Variants in ADAMTS17 observed in about 807,000 individuals in gnomAD.
ADAMTS17 encodes the protein A disintegrin and metalloproteinase with thrombospondin motifs 17.
ADAMTS17 carries 113 observed loss-of-function variants against 141.5 expected under a neutral mutation model. That is an observed-to-expected ratio of 0.80 (90% CI 0.69 to 0.93). The LOEUF (loss-of-function observed/expected upper bound fraction) is 0.93, where lower values mean the gene tolerates loss of function less well. Ranked by LOEUF, ADAMTS17 falls within the 40% of genes least tolerant of loss-of-function variation. The pLI, the probability that ADAMTS17 is intolerant of heterozygous loss-of-function variation, is 0.00. For synonymous variants in ADAMTS17, 768 were observed against 630.6 expected, an observed-to-expected ratio of 1.22 and a Z score of -3.27; for missense variants, 1,659 against 1,517.9, an observed-to-expected ratio of 1.09 and a Z score of -1.54.
At chr15:100,139,980 G>A (rs573366557) in intron 10 of ADAMTS17, among the ~76,000 whole-genome samples, 2 of 152,088 alleles carry the variant, frequency 1.3e-5, no homozygotes, top group African/African-American at 4.8e-5. Context: ...GGGCATGTAA[G>A]ATTTTTTTAT....
chr15:100,133,026 T>C (rs1168042529), intron 11 of ADAMTS17, among the ~76,000 whole-genome samples, 188 bp downstream of exon 11: 3 of 152,216 alleles, frequency 2.0e-5, no homozygotes, highest in African/African-American at 7.2e-5. Context: ...TTGTATCTTA[T>C]AAGAAAAAGG....
At chr15:100,329,683 A>T (rs182680655) in intron 3 of ADAMTS17, among the ~76,000 whole-genome samples, 4 of 152,276 alleles carry the variant, frequency 2.6e-5, no homozygotes, top group Admixed American at 2.0e-4. Flanking sequence ...GAAAAACCCT[A>T]ATGTCTCCAT....
At chr15:100,138,779 G>A (rs1029403122) in intron 10 of ADAMTS17, among the ~76,000 whole-genome samples, 4 of 152,192 alleles carry the variant, frequency 2.6e-5, no homozygotes, top group African/African-American at 9.7e-5. Context: ...TCTCCACTTA[G>A]GGGCGGGAGG....
intron 8 of ADAMTS17, among the ~76,000 whole-genome samples, chr15:100,197,748 T>C (rs532390515): frequency 6.6e-6 from 1 of 152,070 alleles, no homozygotes; most frequent in African/African-American, 2.4e-5. Context: ...TGACATACAA[T>C]AGGTACGGAA....
In ADAMTS17 at chr15:100,331,141, T is replaced by C. The variant is rs987011282; in HGVS notation, c.451-87A>G. 13 of 1,538,154 alleles carry C rather than the reference T, an allele frequency of 8.5e-6. No individual in the cohort carries two copies. The South Asian group carries it at 1.5e-4, about 18-fold the overall frequency. ...CCCCGGAGGGGCAGGCAAGACCACCTTGCTGTGATTTGGTTTTCCAGGTCT... is the reference window on the plus strand; with the variant it reads ...CCCCGGAGGGGCAGGCAAGACCACCCTGCTGTGATTTGGTTTTCCAGGTCT... On this transcript the variant is annotated intron_variant, in intron 2 of 21. Coordinates refer to ENST00000268070, the MANE Select transcript of ADAMTS17 (RefSeq NM_139057.4).
chr15:100,195,686 A>G (rs2041089124), intron 8 of ADAMTS17, among the ~76,000 whole-genome samples: 1 of 150,030 alleles, frequency 6.7e-6, no homozygotes, highest in South Asian at 2.1e-4. Context: ...TCTCACCCAC[A>G]GTACTCGAGT....
chr15:100,149,816 G>C (rs2039079363), intron 10 of ADAMTS17, among the ~76,000 whole-genome samples: 1 of 152,184 alleles, frequency 6.6e-6, no homozygotes, highest in South Asian at 2.1e-4. Context: ...TTCAGTGCTA[G>C]TTCTTCTTTT....
Position 99,977,414 on chromosome 15 carries a change from T to A in ADAMTS17, c.2950-1192A>T, listed in dbSNP as rs1209137620. Among the ~76,000 whole-genome samples, 57 of 82,472 alleles carry A rather than the reference T, an allele frequency of 6.9e-4. 1 individual carries two copies. Among genetic ancestry groups the A allele is most frequent in the African/African-American group, 2.5e-3 (46 of 18,758 alleles). 54.1% of individuals were successfully genotyped at this position (82,472 alleles called of 152,430 possible). ...TATATATATATAATTTTTTTTTTTT[T>A]TTTTTTTTTTTTTTTGAGATGGAGT... is the stretch of plus-strand genomic sequence containing the variant. On this transcript the variant is annotated intron_variant, in intron 20 of 21. Transcript: ENST00000268070.
intron 15 of ADAMTS17, among the ~76,000 whole-genome samples, chr15:100,089,576 C>G (rs1436943392): frequency 6.6e-6 from 1 of 151,618 alleles, no homozygotes; most frequent in African/African-American, 2.4e-5. Context: ...AGACTTGGAA[C>G]CAACCCAAAT....
chr15:100,244,882 A>C (rs938052503), intron 7 of ADAMTS17, among the ~76,000 whole-genome samples: 10 of 152,060 alleles, frequency 6.6e-5, no homozygotes, highest in Admixed American at 2.0e-4. Flanking sequence ...GTGACAGAGG[A>C]AGCATCACTT....
chr15:100,205,542 G>A (rs894982108), intron 7 of ADAMTS17, among the ~76,000 whole-genome samples: 6 of 152,164 alleles, frequency 3.9e-5, no homozygotes, highest in South Asian at 2.1e-4. Context: ...GCAATGTAAC[G>A]TTTGTCAAAT....
intron 18 of ADAMTS17, among the ~76,000 whole-genome samples, chr15:100,020,772 C>A (rs998804354): frequency 6.6e-6 from 1 of 152,232 alleles, no homozygotes; most frequent in Non-Finnish European, 1.5e-5. Flanking sequence ...GCCCAGGGCG[C>A]CCATCCTGAC....
chr15:100,147,088 C>A (rs373487357), intron 10 of ADAMTS17, among the ~76,000 whole-genome samples: 6 of 152,234 alleles, frequency 3.9e-5, no homozygotes, highest in African/African-American at 1.4e-4. Context: ...GTGACCCACA[C>A]CTATTCGCAC....
intron 2 of ADAMTS17, chr15:100,338,967 A>G (rs1393001834): frequency 2.0e-6 from 2 of 985,514 alleles, no homozygotes; most frequent in Non-Finnish European, 2.4e-6. Context: ...AAGTCACCCC[A>G]CTGTCTCTTC....
At chr15:100,175,654 G>A (rs1430600744) in intron 8 of ADAMTS17, among the ~76,000 whole-genome samples, 7 of 152,022 alleles carry the variant, frequency 4.6e-5, no homozygotes, top group Non-Finnish European at 1.0e-4. Flanking sequence ...GTCCCCTTTT[G>A]TCTCTTGGTT....
chr15:100,328,120 T>C (rs549807970), intron 3 of ADAMTS17, among the ~76,000 whole-genome samples: 43 of 152,330 alleles, frequency 2.8e-4, no homozygotes, highest in African/African-American at 9.6e-4. Context: ...ATGGCTGCCA[T>C]GTTCAGCCAG....
intron 7 of ADAMTS17, among the ~76,000 whole-genome samples, chr15:100,200,187 C>A (rs1314228986): frequency 3.3e-5 from 5 of 152,218 alleles, no homozygotes; most frequent in African/African-American, 1.2e-4. Flanking sequence ...ACCACACACA[C>A]CAGGAGAAAC....
intron 7 of ADAMTS17, among the ~76,000 whole-genome samples, chr15:100,206,029 C>T (rs138215682): frequency 2.6e-5 from 4 of 152,314 alleles, no homozygotes; most frequent in Admixed American, 1.3e-4. Context: ...AGCTGAGGGC[C>T]CCTCAGTGAG....
intron 15 of ADAMTS17, among the ~76,000 whole-genome samples, chr15:100,061,818 T>A (rs963112548): frequency 6.6e-6 from 1 of 152,192 alleles, no homozygotes; most frequent in Non-Finnish European, 1.5e-5. Context: ...CCTCTTGGAA[T>A]ACCCAGACTG....
Sources: allele counts gnomAD v4.1 joint callset (sites outside exome capture counted in the v4.1 genomes callset), GRCh38; gene constraint gnomAD v4.1.1; transcripts MANE v1.5; gene names NCBI Gene and HGNC (gene_info 2026-07-23, HGNC 2026-07-21).